Variants in TNRC6A observed in about 807,000 individuals in gnomAD.
TNRC6A encodes the protein trinucleotide repeat containing adaptor 6A.
TNRC6A carries 44 observed loss-of-function variants against 221.2 expected under a neutral mutation model. The observed-to-expected ratio is 0.20, with a 90% CI of 0.16 to 0.26. The LOEUF (loss-of-function observed/expected upper bound fraction) is 0.26. Among genes scored for constraint, TNRC6A ranks in the 10% least tolerant of loss-of-function variants. The pLI is 1.00. For missense variants in TNRC6A, 2,199 were observed against 2,404.4 expected (o/e 0.91, Z 1.79); for synonymous variants, 847 against 838.5 (o/e 1.01, Z -0.18).
At chr16:24,776,480 T>C (rs529310290) in intron 4 of TNRC6A, 1 of 985,456 alleles carries the variant, frequency 1.0e-6, no homozygotes, top group South Asian at 4.7e-5. Context: ...TTGTGTTGTC[T>C]TCCAAAGATG....
intron 2 of TNRC6A, among the ~76,000 whole-genome samples, chr16:24,748,709 T>C (rs1273014442): frequency 6.6e-6 from 1 of 152,160 alleles, no homozygotes; most frequent in East Asian, 1.9e-4. Flanking sequence ...TTGTTTAATC[T>C]CATTGCAGCG....
At chr16:24,616,684 A>C (rs1900367436) in intron 1 of TNRC6A, among the ~76,000 whole-genome samples, 1 of 152,148 alleles carries the variant, frequency 6.6e-6, no homozygotes, top group African/African-American at 2.4e-5. Context: ...TAATCCCAGC[A>C]CTTTGGGAGG....
intron 2 of TNRC6A, among the ~76,000 whole-genome samples, chr16:24,745,194 T>C (rs2056978445): frequency 6.6e-6 from 1 of 152,234 alleles, no homozygotes; most frequent in Admixed American, 6.5e-5. Flanking sequence ...CTCTTCATTT[T>C]ACAGCTGAAG....
chr16:24,720,749 GGCTGGGCTGGGCTCAGT>G, intron 2 of TNRC6A, among the ~76,000 whole-genome samples: 1 of 148,494 alleles, frequency 6.7e-6, no homozygotes, highest in South Asian at 2.1e-4. Context: ...AAAGAATTAA[GGCTGGGCTGGGCTCAGT>G]GGCTCACGCC....
intron 2 of TNRC6A, among the ~76,000 whole-genome samples, chr16:24,683,619 G>A (rs752807035): frequency 2.6e-5 from 4 of 152,150 alleles, no homozygotes; most frequent in Admixed American, 6.6e-5. Flanking sequence ...GTAGAGTGCC[G>A]TGCTAACAGC....
intron 2 of TNRC6A, among the ~76,000 whole-genome samples, chr16:24,733,029 C>T (rs1244279446): frequency 6.6e-6 from 1 of 152,104 alleles, no homozygotes; most frequent in African/African-American, 2.4e-5. Context: ...CCAGCCTGGC[C>T]AACATAGTGA....
intron 2 of TNRC6A, among the ~76,000 whole-genome samples, chr16:24,678,645 CA>C (rs542966332): frequency 5.4e-4 from 83 of 152,310 alleles, no homozygotes; most frequent in Non-Finnish European, 1.1e-3. Flanking sequence ...GTCAAAGCTG[CA>C]GTGAGCCAAG....
upstream of TNRC6A, among the ~76,000 whole-genome samples, chr16:24,727,777 T>C (rs909831118): frequency 4.6e-5 from 7 of 152,146 alleles, no homozygotes; most frequent in African/African-American, 1.7e-4. Context: ...TGAAACACCA[T>C]AGTAACTTTT....
At chr16:24,623,355 C>T (rs9925978) in intron 1 of TNRC6A, among the ~76,000 whole-genome samples, 5,739 of 152,080 alleles carry the variant, frequency 0.038, 261 homozygotes, top group East Asian at 0.13. Flanking sequence ...CCCGCTGCCA[C>T]GCCCAGAGAA....
chr16:24,612,539 G>A lies in TNRC6A; in HGVS notation n.276+2055G>A, dbSNP rs561918469. On this transcript the variant is annotated intron_variant and non_coding_transcript_variant, in intron 1 of 2. Transcript: ENST00000566108. The stretch of plus-strand genomic sequence containing the variant: ...AGGCGGCTGGATTGCTTGAACCCAG[G>A]AGTTCCAGACCAGCCTGGGCAACAT... Among the ~76,000 whole-genome samples the A allele has an allele frequency of 2.0e-5, 3 of 151,300 alleles. No homozygotes were observed. The South Asian group carries it at 6.3e-4, about 32-fold the overall frequency.
At chr16:24,648,952 T>A (rs1406194873) in intron 2 of TNRC6A, among the ~76,000 whole-genome samples, 1 of 152,148 alleles carries the variant, frequency 6.6e-6, no homozygotes, top group African/African-American at 2.4e-5. Context: ...CGGTGGCACA[T>A]CTTCCTACAG....
chr16:24,740,632 A>T (rs975066033), intron 2 of TNRC6A, among the ~76,000 whole-genome samples: 3 of 152,060 alleles, frequency 2.0e-5, no homozygotes, highest in Non-Finnish European at 4.4e-5. Context: ...GATTTTTTTT[A>T]AAGTTTTTTA....
At chr16:24,610,551 A>G in intron 1 of TNRC6A, 1 of 152,418 alleles carries the variant, frequency 6.6e-6, no homozygotes, top group Non-Finnish European at 1.5e-5. Context: ...TAGCATGCGC[A>G]GGGCACCCTC....
At chr16:24,669,941 C>CTTTGTTTTTTTTTTTTTTTTTTTTTT in intron 2 of TNRC6A, among the ~76,000 whole-genome samples, 1 of 27,162 alleles carries the variant, frequency 3.7e-5, no homozygotes, top group Non-Finnish European at 6.6e-5. Context: ...GAGGCAGCTA[C>CTTTGTTTTTTTTTTTTTTTTTTTTTT]TTTTTTTTTT....
At chr16:24,800,223 G>A (rs1479883338) in intron 11 of TNRC6A, among the ~76,000 whole-genome samples, 1 of 152,196 alleles carries the variant, frequency 6.6e-6, no homozygotes, top group Non-Finnish European at 1.5e-5. Context: ...TGTGAGAGAA[G>A]CCGCTCGCAC....
rs75324603 is a variant in TNRC6A at position 24,648,682 on chromosome 16, G to A, written n.402+7673G>A. On this transcript the variant is annotated intron_variant and non_coding_transcript_variant, in intron 2 of 2. Coordinates refer to the TNRC6A transcript ENST00000566108. Reference sequence around the variant, plus strand: ...GTGCCGTTTTGTTTTGTTGGTAATCGCCATCCTAATGGGTATGAAGTGGTA... The same window carrying A: ...GTGCCGTTTTGTTTTGTTGGTAATCACCATCCTAATGGGTATGAAGTGGTA... 1.6e-4 allele frequency among the ~76,000 whole-genome samples: 24 copies of A among 152,214 alleles called. No homozygotes were observed. The East Asian group carries it at 2.7e-3, about 17-fold the overall frequency.
chr16:24,816,767 T>A (rs1487641294), intron 19 of TNRC6A, 49 bp from the exon 20 acceptor site: 1 of 1,571,480 alleles, frequency 6.4e-7, no homozygotes, highest in South Asian at 1.2e-5. Context: ...ATTAATGGAT[T>A]TTAAAATGAT....
chr16:24,793,337 C>T, intron 6 of TNRC6A, 136 bp from the exon 7 acceptor site: 1 of 484,460 alleles, frequency 2.1e-6, no homozygotes, highest in Non-Finnish European at 3.5e-6. Flanking sequence ...ATCTTTTTGC[C>T]TATCACAGTA....
chr16:24,774,818 G>A (rs1180711887), intron 4 of TNRC6A, among the ~76,000 whole-genome samples: 2 of 152,120 alleles, frequency 1.3e-5, no homozygotes, highest in Non-Finnish European at 2.9e-5. Flanking sequence ...GGATGTTCAA[G>A]TCCCTTATAT....
Sources: allele counts gnomAD v4.1 joint callset (sites outside exome capture counted in the v4.1 genomes callset), GRCh38; gene constraint gnomAD v4.1.1; transcripts MANE v1.5; gene names NCBI Gene and HGNC (gene_info 2026-07-23, HGNC 2026-07-21).